Variants in SNX29 observed in about 807,000 individuals in gnomAD.
SNX29 encodes sorting nexin 29.
Under a neutral mutation model 102.1 loss-of-function variants are expected in SNX29, and 78 were observed. The observed-to-expected ratio is 0.76, with a 90% CI of 0.64 to 0.92. The LOEUF (loss-of-function observed/expected upper bound fraction) is 0.92, where lower values mean the gene tolerates loss of function less well. SNX29 is among the 40% of genes least tolerant of loss of function. The probability of loss-of-function intolerance (pLI) is 0.00; values close to 1 mark genes in which losing one functional copy is unlikely to be tolerated. For synonymous variants in SNX29, 580 were observed against 414.5 expected (o/e 1.40, Z -4.85); for missense variants, 1,280 against 1,061.7 (o/e 1.21, Z -2.86).
chr16:12,102,327 T>C (rs1330936083), intron 11 of SNX29, among the ~76,000 whole-genome samples: 1 of 152,236 alleles, frequency 6.6e-6, no homozygotes, highest in Non-Finnish European at 1.5e-5. Flanking sequence ...TTCTAGATCC[T>C]TGAGGAATTG....
intron 8 of SNX29, among the ~76,000 whole-genome samples, chr16:12,054,731 T>C (rs534207937): frequency 6.6e-6 from 1 of 152,304 alleles, no homozygotes; most frequent in African/African-American, 2.4e-5. Flanking sequence ...AGTTCCTCAA[T>C]ATAAACCTGT....
chr16:12,363,280 C>A (rs2082358448), intron 16 of SNX29, among the ~76,000 whole-genome samples: 1 of 152,192 alleles, frequency 6.6e-6, no homozygotes, highest in African/African-American at 2.4e-5. Context: ...AGTTTTCCTC[C>A]TGGAGTCGTC....
At chr16:12,132,862 G>GGT (rs531905134) in intron 13 of SNX29, among the ~76,000 whole-genome samples, 3 of 152,338 alleles carry the variant, frequency 2.0e-5, no homozygotes, top group African/African-American at 7.2e-5. Flanking sequence ...CGATCAGCTG[G>GGT]GTATGTAAGT....
At chr16:12,078,769 G>T in intron 10 of SNX29, 64 bp from the exon 11 acceptor site, 1 of 1,400,808 alleles carries the variant, frequency 7.1e-7, no homozygotes, top group Non-Finnish European at 9.9e-7. Flanking sequence ...GCTAGTTTTT[G>T]GAATGGTGAG....
chr16:12,198,341 A>G (rs1170540922), intron 13 of SNX29, among the ~76,000 whole-genome samples: 2 of 152,194 alleles, frequency 1.3e-5, no homozygotes, highest in Admixed American at 1.3e-4. Flanking sequence ...CACCTAGAGA[A>G]ATAATAGGAT....
chr16:12,053,114 A>G (rs1026571480), intron 8 of SNX29: 1 of 151,968 alleles, frequency 6.6e-6, no homozygotes. Flanking sequence ...AACATGGTGA[A>G]ACCCCTTCTC....
At position 12,042,946 on chromosome 16, in the gene SNX29, G is replaced by T. The variant is rs2049944234; in HGVS notation, c.297G>T (p.Leu99=). The part of the protein sequence containing the change: ...YVKEVLNKHE[L]QRFYSLRHIA... ...AGGAGGTCCTCAACAAGCACGAGCT[G>T]CAGCGCTTCTACTCCCTGCGCCACA... is the stretch of plus-strand genomic sequence containing the variant. Residue 99 remains leucine (L), a synonymous_variant, in exon 5 of 21, where the codon CTG becomes CTT. Transcript: ENST00000566228. The T allele has an allele frequency of 1.2e-6, 2 of 1,613,788 alleles. No individual in the cohort carries two copies. The highest frequency in any genetic ancestry group is 1.7e-6 in the Non-Finnish European group (2 of 1,179,750).
chr16:12,390,271 GA>G (rs1340080456), intron 16 of SNX29, among the ~76,000 whole-genome samples: 4 of 152,056 alleles, frequency 2.6e-5, no homozygotes, highest in Non-Finnish European at 5.9e-5. Flanking sequence ...ACTGAAGTGT[GA>G]GCTGGACCAG....
At chr16:12,527,092 C>G (rs1374918519) in intron 20 of SNX29, 7 of 448,868 alleles carry the variant, frequency 1.6e-5, no homozygotes, top group South Asian at 9.9e-5. Flanking sequence ...AATTAAACAG[C>G]TCTTTTAATA....
intron 14 of SNX29, among the ~76,000 whole-genome samples, chr16:12,275,692 CT>C (rs34590499): frequency 0.91 from 126,915 of 139,502 alleles, 57,751 homozygotes; most frequent in Middle Eastern, 0.96. Flanking sequence ...CTCTCCAATT[CT>C]TTTTTTTTTT....
chr16:12,400,364 C>G (rs11075066), intron 17 of SNX29, among the ~76,000 whole-genome samples: 45,929 of 152,138 alleles, frequency 0.3, 8,581 homozygotes, highest in Non-Finnish European at 0.41. Context: ...AGCATTGCCT[C>G]TGTGCTGGAC....
At chr16:12,111,624 T>C (rs899174961) in intron 11 of SNX29, among the ~76,000 whole-genome samples, 2 of 152,144 alleles carry the variant, frequency 1.3e-5, no homozygotes, top group African/African-American at 2.4e-5. Flanking sequence ...GGAGAATGGG[T>C]TGGGAATGGC....
intron 13 of SNX29, among the ~76,000 whole-genome samples, chr16:12,130,006 A>T (rs1388072286): frequency 2.0e-5 from 3 of 151,648 alleles, no homozygotes; most frequent in African/African-American, 7.3e-5. Flanking sequence ...TGGGAGGCTG[A>T]GGCAGGAGAA....
intron 11 of SNX29, among the ~76,000 whole-genome samples, chr16:12,122,430 C>T (rs578063724): frequency 4.0e-4 from 61 of 152,154 alleles, no homozygotes; most frequent in South Asian, 3.5e-3. Flanking sequence ...GGCAGGCCCA[C>T]GGACTCCCAC....
At position 12,539,528 on chromosome 16, in the gene SNX29, G is replaced by A. The variant is rs116607736; in HGVS notation, c.2318+14687G>A. On this transcript the variant is annotated intron_variant, in intron 20 of 20. Coordinates refer to ENST00000566228, the MANE Select transcript of SNX29 (RefSeq NM_032167.5). ...GTTGGTTCCAGTTGTTGGCAATTTT[G>A]AATAGAGCTAGTGGAAACATTCAAG... Among the ~76,000 whole-genome samples, 1,087 of 152,308 alleles carry A rather than the reference G, an allele frequency of 7.1e-3. 14 individuals are homozygous for A. The highest frequency in any genetic ancestry group is 0.024 in the African/African-American group (1,005 of 41,574).
At chr16:12,527,633 T>C (rs925769034) in intron 20 of SNX29, among the ~76,000 whole-genome samples, 14 of 152,060 alleles carry the variant, frequency 9.2e-5, no homozygotes, top group Non-Finnish European at 4.4e-5. Flanking sequence ...AAAGTGAGGC[T>C]CAAAGGGGCG....
In SNX29 at chr16:12,572,050, C is replaced by A. The variant is rs116469954; in HGVS notation, c.*3421C>A. On this transcript the variant is annotated 3_prime_UTR_variant, in exon 21 of 21. Coordinates refer to ENST00000566228, the MANE Select transcript of SNX29 (RefSeq NM_032167.5). ...AGGGATCATCCAGTGGAGTTGTAAACAAGGGAACCATCTTGCAAGATCTAG... is the reference window on the plus strand; with the variant it reads ...AGGGATCATCCAGTGGAGTTGTAAAAAAGGGAACCATCTTGCAAGATCTAG... 2.8e-6 allele frequency: 3 copies of A among 1,063,594 alleles called. No homozygotes were observed. The East Asian group carries it at 1.5e-4, about 53-fold the overall frequency. 65.9% of individuals were successfully genotyped at this position (1,063,594 alleles called of 1,614,324 possible).
chr16:12,484,234 G>A (rs1249012426), intron 19 of SNX29, among the ~76,000 whole-genome samples: 8 of 151,780 alleles, frequency 5.3e-5, no homozygotes, highest in African/African-American at 1.9e-4. Context: ...CTGCAGCCTC[G>A]AACTCCCCGG....
At chr16:12,092,974 G>A (rs1316049840) in intron 11 of SNX29, among the ~76,000 whole-genome samples, 1 of 152,180 alleles carries the variant, frequency 6.6e-6, no homozygotes, top group African/African-American at 2.4e-5. Context: ...TGGCCGATGT[G>A]GGAAGAGGGC....
Sources: allele counts gnomAD v4.1 joint callset (sites outside exome capture counted in the v4.1 genomes callset), GRCh38; gene constraint gnomAD v4.1.1; transcripts MANE v1.5; gene names NCBI Gene and HGNC (gene_info 2026-07-23, HGNC 2026-07-21).